Variants in TAS2R1 observed in about 807,000 individuals in gnomAD.
TAS2R1 encodes taste 2 receptor member 1.
For missense variants in TAS2R1, 370 were observed against 353.4 expected (o/e 1.05, Z -0.38); for synonymous variants, 141 against 134.2 (o/e 1.05, Z -0.35).
At chr5:9,873,051 G>A in the TAS2R1 span, among the ~76,000 whole-genome samples, 15 of 152,164 alleles carry the variant, frequency 9.9e-5, no homozygotes, top group Admixed American at 9.8e-4. Flanking sequence ...CCTGGTGAGG[G>A]AGAGCTATTT....
chr5:9,840,465 G>A, the TAS2R1 span, among the ~76,000 whole-genome samples: 16 of 151,998 alleles, frequency 1.1e-4, no homozygotes, highest in Non-Finnish European at 2.1e-4. Flanking sequence ...ATAAAGATTA[G>A]GGCATGCACT....
chr5:9,746,173 C>T, the TAS2R1 span, among the ~76,000 whole-genome samples: 1 of 152,192 alleles, frequency 6.6e-6, no homozygotes, highest in African/African-American at 2.4e-5. Context: ...AAAAGGTCAT[C>T]ATCACTGGTC....
At chr5:9,774,951 A>C in the TAS2R1 span, among the ~76,000 whole-genome samples, 1 of 152,224 alleles carries the variant, frequency 6.6e-6, no homozygotes, top group Non-Finnish European at 1.5e-5. Context: ...ATATTCACTC[A>C]AGGCCCTAGG....
intron 1 of TAS2R1, among the ~76,000 whole-genome samples, chr5:9,694,214 A>G (rs1472228645): frequency 1.3e-5 from 2 of 152,236 alleles, no homozygotes; most frequent in African/African-American, 4.8e-5. Flanking sequence ...GCTGTTGGCA[A>G]TAAGAAAGCA....
At chr5:9,790,792 C>T in the TAS2R1 span, among the ~76,000 whole-genome samples, 2 of 152,072 alleles carry the variant, frequency 1.3e-5, no homozygotes, top group Non-Finnish European at 2.9e-5. Flanking sequence ...CCACGCCTGG[C>T]TAATTTTTTT....
upstream of TAS2R1, chr5:9,713,162 G>A (rs759138224): frequency 3.3e-5 from 5 of 152,106 alleles, no homozygotes; most frequent in Non-Finnish European, 7.4e-5. Context: ...CACACATTAA[G>A]TTGGAACATG....
chr5:9,881,836 A>G, the TAS2R1 span, among the ~76,000 whole-genome samples: 1 of 152,228 alleles, frequency 6.6e-6, no homozygotes, highest in African/African-American at 2.4e-5. Context: ...CCCCTTCCTT[A>G]TAACTTACAC....
chr5:9,681,368 A>C (rs1398170983), intron 1 of TAS2R1, among the ~76,000 whole-genome samples: 1 of 151,836 alleles, frequency 6.6e-6, no homozygotes, highest in Non-Finnish European at 1.5e-5. Context: ...TCTATTAAAA[A>C]TTTAAGTTAG....
chr5:9,837,364 G>C, the TAS2R1 span, among the ~76,000 whole-genome samples: 1 of 152,204 alleles, frequency 6.6e-6, no homozygotes, highest in Non-Finnish European at 1.5e-5. Context: ...AACTAGAAGA[G>C]AGGGTGAGCA....
At chr5:9,640,497 TAAAAAAAAAAAA>T (rs56140715) in intron 2 of TAS2R1, among the ~76,000 whole-genome samples, 8 of 59,030 alleles carry the variant, frequency 1.4e-4, no homozygotes, top group Non-Finnish European at 2.0e-4. Context: ...TTCAATTCCT[TAAAAAAAAAAAA>T]AAAAAAAAAA....
chr5:9,656,372 A>G (rs912806731), intron 2 of TAS2R1, among the ~76,000 whole-genome samples: 2 of 152,182 alleles, frequency 1.3e-5, no homozygotes, highest in Non-Finnish European at 2.9e-5. Flanking sequence ...ATATGTAGAG[A>G]GAAATAATTT....
intron 1 of TAS2R1, among the ~76,000 whole-genome samples, chr5:9,669,090 CAG>C (rs1213454171): frequency 6.6e-6 from 1 of 151,992 alleles, no homozygotes; most frequent in Admixed American, 6.6e-5. Flanking sequence ...AAATGGAAAA[CAG>C]AGAAAAAGCA....
intron 1 of TAS2R1, among the ~76,000 whole-genome samples, chr5:9,679,721 ATTAGAG>A (rs1740957961): frequency 6.6e-6 from 1 of 152,200 alleles, no homozygotes; most frequent in Admixed American, 6.5e-5. Flanking sequence ...GTGGAAAGGA[ATTAGAG>A]TTAGAGACAT....
At chr5:9,889,652 G>T in the TAS2R1 span, 2 of 152,180 alleles carry the variant, frequency 1.3e-5, no homozygotes, top group South Asian at 4.1e-4. Flanking sequence ...TTGTGCTGGG[G>T]CAACAGTGAT....
upstream of TAS2R1, chr5:9,713,296 C>G (rs1013194816): frequency 2.6e-5 from 4 of 152,104 alleles, no homozygotes; most frequent in African/African-American, 9.7e-5. Context: ...TAATCTTAGA[C>G]AAAAGTAGTT....
chr5:9,692,622 T>C (rs141945198), intron 1 of TAS2R1, among the ~76,000 whole-genome samples: 57 of 152,318 alleles, frequency 3.7e-4, no homozygotes, highest in African/African-American at 1.3e-3. Context: ...TGCTTTGCAG[T>C]AGAACTACTG....
the TAS2R1 span, among the ~76,000 whole-genome samples, chr5:9,760,490 T>C: frequency 6.6e-6 from 1 of 152,208 alleles, no homozygotes; most frequent in Non-Finnish European, 1.5e-5. Context: ...AGAAGAATTG[T>C]ATACAACTAA....
At chr5:9,830,214 CAGAT>C in the TAS2R1 span, among the ~76,000 whole-genome samples, 3 of 79,314 alleles carry the variant, frequency 3.8e-5, no homozygotes, top group African/African-American at 1.0e-4. Context: ...GATGGATAGA[CAGAT>C]AGACAGACAG....
At chr5:9,829,341 A>G in the TAS2R1 span, among the ~76,000 whole-genome samples, 2 of 152,182 alleles carry the variant, frequency 1.3e-5, no homozygotes, top group Non-Finnish European at 2.9e-5. Flanking sequence ...TCACCATACC[A>G]TGGCAGGTGG....
Sources: allele counts gnomAD v4.1 joint callset (sites outside exome capture counted in the v4.1 genomes callset), GRCh38; gene constraint gnomAD v4.1.1; transcripts MANE v1.5; gene names NCBI Gene and HGNC (gene_info 2026-07-23, HGNC 2026-07-21).